PROS1: variants seen among roughly 807,000 people sequenced by gnomAD.
The protein encoded by PROS1 is vitamin K-dependent protein S.
A neutral mutation model predicts 75.9 loss-of-function variants in PROS1; 29 were observed. That is an observed-to-expected ratio of 0.38 (90% CI 0.28 to 0.52). The LOEUF (loss-of-function observed/expected upper bound fraction) is 0.52, where lower values mean the gene tolerates loss of function less well. Ranked by LOEUF, PROS1 falls within the 20% of genes least tolerant of loss-of-function variation. The pLI is 0.83. For missense variants in PROS1, 680 were observed against 810.3 expected, an observed-to-expected ratio of 0.84 and a Z score of 1.95; for synonymous variants, 245 against 280.6, an observed-to-expected ratio of 0.87 and a Z score of 1.27.
At chr3:93,914,116 G>A (rs771473464) in intron 3 of PROS1, among the ~76,000 whole-genome samples, 15 of 152,230 alleles carry the variant, frequency 9.9e-5, no homozygotes, top group African/African-American at 3.6e-4. Context: ...GCTCTCACAG[G>A]TTGGAGTCTT....
Position 93,896,182 on chromosome 3 carries a change from G to A in PROS1, c.965+394C>T, listed in dbSNP as rs1233088123. Among the ~76,000 whole-genome samples the A allele has an allele frequency of 5.9e-5, 9 of 152,010 alleles. No homozygotes were observed. In the East Asian group the frequency reaches 7.7e-4, roughly 13 times the overall value. ...TTTAAATTTTTTCCTTAATAATTTTGAATATAATGATATTCTAAAAGCAAT... is the reference window on the plus strand; with the variant it reads ...TTTAAATTTTTTCCTTAATAATTTTAAATATAATGATATTCTAAAAGCAAT... On this transcript the variant is annotated intron_variant, in intron 9 of 14. Coordinates refer to ENST00000394236, the MANE Select transcript of PROS1 (RefSeq NM_000313.4).
At chr3:93,929,394 A>G (rs1457294373) in intron 1 of PROS1, among the ~76,000 whole-genome samples, 1 of 152,022 alleles carries the variant, frequency 6.6e-6, no homozygotes, top group African/African-American at 2.4e-5. Flanking sequence ...CAGGAGGATC[A>G]CTTGAGCCTG....
At position 93,893,086 on chromosome 3, in the gene PROS1, T is replaced by C; in HGVS notation, c.1002A>G (p.Ser334=). ...ATTCTGCGTACAGTATCACGCCTTC[T>C]GAATCATATGTCCGGAAATCAAATT... is the stretch of plus-strand genomic sequence containing the variant. ...SAEFDFRTYD[S]EGVILYAESI... is the part of the protein sequence containing the mutation. The change falls in exon 10 of 15, where the codon TCA becomes TCG. Residue 334 remains serine, a synonymous_variant. Transcript: ENST00000394236. The C allele has an allele frequency of 6.2e-7, 1 of 1,614,032 alleles. No individual in the cohort carries two copies. Among genetic ancestry groups the C allele is most frequent in the Non-Finnish European group, 8.5e-7 (1 of 1,179,948 alleles).
intron 1 of PROS1, among the ~76,000 whole-genome samples, chr3:93,957,398 G>T (rs1041763341): frequency 6.6e-6 from 1 of 152,128 alleles, no homozygotes; most frequent in African/African-American, 2.4e-5. Flanking sequence ...AAATTAGATT[G>T]CATTAAACAT....
In PROS1 at chr3:93,879,334, A is replaced by G. The variant is rs1178664747; in HGVS notation, c.1493-20T>C. ...CATTATCTATTTAAAATAATGAAAC[A>G]GAAGCATGATCAATGCACTCCTAAA... On this transcript the variant is annotated intron_variant, in intron 12 of 14. Transcript: ENST00000394236. 6.2e-7 allele frequency: 1 copy of G among 1,613,128 alleles called. No individual in the cohort carries two copies. The highest frequency in any genetic ancestry group is 1.3e-5 in the African/African-American group (1 of 75,036).
At chr3:93,973,303 GAC>G (rs988392723) in intron 1 of PROS1, among the ~76,000 whole-genome samples, 9 of 152,154 alleles carry the variant, frequency 5.9e-5, no homozygotes, top group African/African-American at 2.2e-4. Context: ...ACAAAGGGAA[GAC>G]ACAGTGTGTT....
chr3:93,900,693 G>A (rs1164773178), intron 7 of PROS1, 111 bp downstream of exon 7: 30 of 1,432,990 alleles, frequency 2.1e-5, no homozygotes, highest in Non-Finnish European at 1.7e-5. Flanking sequence ...GCTATATTAG[G>A]GATAAGAAAA....
chr3:93,947,112 G>A (rs375298182), intron 1 of PROS1, among the ~76,000 whole-genome samples: 9 of 152,146 alleles, frequency 5.9e-5, no homozygotes, highest in African/African-American at 1.7e-4. Context: ...TCAAAACCAC[G>A]ATGAGATACC....
Position 93,877,020 on chromosome 3 carries a change from C to A in PROS1, c.1816G>T (p.Val606Phe), listed in dbSNP as rs371885410. ...TTTGCTTTCATTGCTTTGTCCAAGA[C>A]GGCAAGTTGTCTTTGAAGGTCTTCA... ...SHEDLQRQLA[V>F]LDKAMKAKVA... The change falls in exon 14 of 15, where the codon GTC becomes TTC. Residue 606 changes from valine to phenylalanine, a missense_variant. Transcript: ENST00000394236. 1 of 1,613,928 alleles carries A rather than the reference C, an allele frequency of 6.2e-7. No individual in the cohort carries two copies. Among genetic ancestry groups the A allele is most frequent in the East Asian group, 2.2e-5 (1 of 44,854 alleles).
At chr3:93,899,617 C>T (rs1226801738) in intron 7 of PROS1, among the ~76,000 whole-genome samples, 1 of 152,026 alleles carries the variant, frequency 6.6e-6, no homozygotes, top group African/African-American at 2.4e-5. Flanking sequence ...GTTGCGGGGG[C>T]TGGCAGGGGA....
chr3:93,911,228 C>T (rs1353814712), intron 3 of PROS1: 1 of 156,010 alleles, frequency 6.4e-6, no homozygotes, highest in Non-Finnish European at 1.4e-5. Context: ...TCATTCCCTT[C>T]ATTCTTCACT....
At chr3:93,922,257 C>A (rs1670977203) in intron 3 of PROS1, among the ~76,000 whole-genome samples, 1 of 151,772 alleles carries the variant, frequency 6.6e-6, no homozygotes. Flanking sequence ...CAGGTTTTTT[C>A]CTTATTTTAT....
intron 14 of PROS1, among the ~76,000 whole-genome samples, chr3:93,875,727 C>G (rs189879996): frequency 1.3e-3 from 193 of 152,080 alleles, no homozygotes; most frequent in Non-Finnish European, 1.7e-3. Context: ...CTATTTACTT[C>G]TATTTCCCAA....
intron 1 of PROS1, among the ~76,000 whole-genome samples, chr3:93,931,797 C>T (rs1189586779): frequency 2.6e-5 from 4 of 152,218 alleles, no homozygotes; most frequent in Admixed American, 6.5e-5. Context: ...AAACTTTCTA[C>T]GTGTTTGGTC....
chr3:93,874,494 C>T, intron 14 of PROS1, 89 bp from the exon 15 acceptor site: 1 of 1,533,596 alleles, frequency 6.5e-7, no homozygotes, highest in Non-Finnish European at 8.9e-7. Context: ...CTTCCTGTTT[C>T]CAACCAAATT....
intron 12 of PROS1, among the ~76,000 whole-genome samples, chr3:93,881,556 C>CTT (rs71105164): frequency 0.22 from 26,239 of 118,330 alleles, 4,221 homozygotes; most frequent in Non-Finnish European, 0.28. Context: ...GTAGTAAGCA[C>CTT]TTTTTTTTTT....
At chr3:93,949,816 G>T (rs986148100) in intron 1 of PROS1, among the ~76,000 whole-genome samples, 7 of 152,174 alleles carry the variant, frequency 4.6e-5, no homozygotes, top group African/African-American at 1.7e-4. Context: ...GAGGTACCGG[G>T]TTCATGTCAC....
intron 1 of PROS1, among the ~76,000 whole-genome samples, chr3:93,966,924 C>A (rs1709800022): frequency 2.0e-5 from 3 of 152,086 alleles, no homozygotes; most frequent in Admixed American, 2.0e-4. Flanking sequence ...TCAAGAGAAG[C>A]CATAAAACCA....
chr3:93,973,097 G>C (rs1481263708), intron 1 of PROS1, among the ~76,000 whole-genome samples: 1 of 152,108 alleles, frequency 6.6e-6, no homozygotes, highest in Non-Finnish European at 1.5e-5. Flanking sequence ...CAAACGATCT[G>C]AGAAATAGAA....
Sources: gnomAD v4.1 joint callset for allele counts (sites outside exome capture counted in the v4.1 genomes callset) on GRCh38, gnomAD v4.1.1 for gene constraint, MANE v1.5 for transcripts, NCBI Gene and HGNC (gene_info 2026-07-23, HGNC 2026-07-21) for gene names.